The following NOD1 variants were observed in gnomAD, a reference collection of about 807,000 sequenced individuals.
NOD1 encodes the protein nucleotide-binding oligomerization domain-containing protein 1.
In NOD1, 70 loss-of-function variants were observed where a neutral mutation model predicts 81.2. The ratio of observed to expected loss-of-function variants is 0.86; its 90% CI spans 0.71 to 1.05. NOD1 has a LOEUF of 1.05. Ranked by LOEUF, NOD1 falls within the 50% of genes least tolerant of loss-of-function variation. The probability of loss-of-function intolerance (pLI) is 0.00; values close to 1 mark genes in which losing one functional copy is unlikely to be tolerated. For synonymous variants in NOD1, 508 were observed against 526.9 expected (o/e 0.96, Z 0.49); for missense variants, 1,233 against 1,228.0 (o/e 1.00, Z -0.06).
At chr7:30,455,590 CTTT>C (rs34626585) in intron 4 of NOD1, among the ~76,000 whole-genome samples, 1 of 143,076 alleles carries the variant, frequency 7.0e-6, no homozygotes, top group Non-Finnish European at 1.5e-5. Flanking sequence ...TTCTCTACCT[CTTT>C]TTTTTTTTTT....
chr7:30,474,299 T>C (rs1035202212), intron 1 of NOD1, among the ~76,000 whole-genome samples: 2 of 152,254 alleles, frequency 1.3e-5, no homozygotes, highest in African/African-American at 4.8e-5. Context: ...GCTCATCAAA[T>C]ACTGAAAACT....
chr7:30,454,700 A>C (rs963247359), intron 5 of NOD1, among the ~76,000 whole-genome samples: 1 of 151,916 alleles, frequency 6.6e-6, no homozygotes, highest in African/African-American at 2.4e-5. Flanking sequence ...GGGCACAATC[A>C]TAGCTCGCTG....
Position 30,467,102 on chromosome 7 carries a change from A to T in NOD1, c.-351-7061T>A, listed in dbSNP as rs932703458. ...GTACTGACATAGAAAGAGCCTTAAGACATCCTGTCACTTGAAAAATGTAAG... is the reference window on the plus strand; with the variant it reads ...GTACTGACATAGAAAGAGCCTTAAGTCATCCTGTCACTTGAAAAATGTAAG... On this transcript the variant is annotated intron_variant, in intron 1 of 13. Transcript: ENST00000222823. This position sits in a 1 kb window ranked among gnomAD's most constrained non-coding sequence, Gnocchi z 4.5. Among the ~76,000 whole-genome samples the T allele has an allele frequency of 6.6e-6, 1 of 152,250 alleles. No homozygotes were observed. Among genetic ancestry groups the T allele is most frequent in the Non-Finnish European group, 1.5e-5 (1 of 68,048 alleles).
rs890559217 is a variant in NOD1 at position 30,478,248 on chromosome 7, A to T, written c.-352+358T>A. 2.6e-5 allele frequency among the ~76,000 whole-genome samples: 4 copies of T among 152,040 alleles called. No individual in the cohort carries two copies. Among genetic ancestry groups the T allele is most frequent in the African/African-American group, 9.7e-5 (4 of 41,378 alleles). On this transcript the variant is annotated intron_variant, in intron 1 of 13. Transcript: ENST00000222823. The surrounding 1 kb of genome is among the most constrained non-coding windows in gnomAD (Gnocchi z 4.1). ...GAATCACTTGGGGAGCTTTTAAAAG[A>T]TACGGAGGCCTGGGTCTGACTCCGT...
intron 11 of NOD1, chr7:30,433,472 A>C (rs1376235925): frequency 2.4e-6 from 1 of 417,584 alleles, no homozygotes; most frequent in African/African-American, 2.0e-5. Flanking sequence ...TTCATGGAAG[A>C]TGGGGGCCCA....
rs1238931546 is a variant in NOD1 at position 30,433,904 on chromosome 7, C to T, written c.2622-725G>A. ...AGACAATCAGACTTCTAGAAATTTA[C>T]CCTACAGTGTGCAAGGATATACACA... On this transcript the variant is annotated intron_variant, in intron 11 of 13. Transcript: ENST00000222823. Among the ~76,000 whole-genome samples, 7 of 152,296 alleles carry T rather than the reference C, an allele frequency of 4.6e-5. No homozygotes were observed. The East Asian group carries it at 5.8e-4, about 13-fold the overall frequency.
At chr7:30,454,434 C>T (rs991568108) in intron 5 of NOD1, among the ~76,000 whole-genome samples, 1 of 152,186 alleles carries the variant, frequency 6.6e-6, no homozygotes, top group Non-Finnish European at 1.5e-5. Context: ...GGGCAGGAAC[C>T]CTGTCTGTGT....
intron 1 of NOD1, among the ~76,000 whole-genome samples, chr7:30,462,948 CA>C (rs11313806): frequency 0.2 from 20,115 of 101,108 alleles, 1,386 homozygotes; most frequent in Admixed American, 0.29. Flanking sequence ...GACTCCATCT[CA>C]AAAAAAAAAA....
chr7:30,450,351 A>G lies in NOD1; in HGVS notation c.2201+865T>C, dbSNP rs574749431. Among the ~76,000 whole-genome samples the G allele has an allele frequency of 4.6e-5, 7 of 152,280 alleles. No individual in the cohort carries two copies. In the South Asian group the frequency reaches 1.5e-3, roughly 32 times the overall value. On this transcript the variant is annotated intron_variant, in intron 6 of 13. Coordinates refer to ENST00000222823, the MANE Select transcript of NOD1 (RefSeq NM_006092.4). ...TCGACCCCCTGCACCCCATGTCCCC[A>G]TGCAATTATTTACACTCTGACACTG... is the stretch of plus-strand genomic sequence containing the variant.
At chr7:30,455,781 T>G (rs184087971) in intron 4 of NOD1, among the ~76,000 whole-genome samples, 1 of 152,234 alleles carries the variant, frequency 6.6e-6, no homozygotes, top group African/African-American at 2.4e-5. Flanking sequence ...TTTGTGTTTT[T>G]ATTAGAGACG....
chr7:30,446,999 G>A lies in NOD1; in HGVS notation c.2337C>T (p.Ile779=). The change falls in exon 8 of 14, where the codon ATC becomes ATT. Residue 779 remains isoleucine (I), a synonymous_variant. Transcript: ENST00000222823. ...GCGTGAGGCCTTTGCATTCATCCAG[G>A]ATTTTGGTGACGTACCTGGCTCCGA... ...TDVGARYVTK[I]LDECKGLTHL... The A allele has an allele frequency of 6.2e-7, 1 of 1,614,168 alleles. No homozygotes were observed. Among genetic ancestry groups the A allele is most frequent in the Admixed American group, 1.7e-5 (1 of 60,028 alleles).
At chr7:30,458,018 A>G (rs1583806715) in intron 3 of NOD1, among the ~76,000 whole-genome samples, 1 of 152,318 alleles carries the variant, frequency 6.6e-6, no homozygotes, top group Non-Finnish European at 1.5e-5. Context: ...GAGCCGGCAC[A>G]GAGTTCCTGG....
chr7:30,452,355 G>C lies in NOD1; in HGVS notation c.1062C>G (p.Pro354=). 11 of 1,613,260 alleles carry C rather than the reference G, an allele frequency of 6.8e-6. No individual in the cohort carries two copies. The highest frequency in any genetic ancestry group is 8.5e-6 in the Non-Finnish European group (10 of 1,180,012). Residue 354 remains proline, a synonymous_variant, in exon 6 of 14, where the codon CCC becomes CCG. Coordinates refer to ENST00000222823, the MANE Select transcript of NOD1 (RefSeq NM_006092.4). ...RKKVLLRGFS[P]SHLRAYARRM... is the part of the protein sequence containing the mutation. ...TCCTGGCATAGGCGCGCAGGTGGCT[G>C]GGGGAGAAGCCCCGGAGAAGCACCT...
At chr7:30,436,532 C>G (rs762824419) in intron 10 of NOD1, among the ~76,000 whole-genome samples, 2 of 152,150 alleles carry the variant, frequency 1.3e-5, no homozygotes, top group Non-Finnish European at 2.9e-5. Flanking sequence ...ACCAAGGTCC[C>G]AAGATTTGGC....
At position 30,455,162 on chromosome 7, in the gene NOD1, G is replaced by T; in HGVS notation, c.351C>A (p.Ser117Arg). Residue 117 changes from serine to arginine, a missense_variant, in exon 5 of 14, where the codon AGC becomes AGA. Physicochemically the swap from Ser to Arg is moderately radical, Grantham distance 110. Coordinates refer to ENST00000222823, the MANE Select transcript of NOD1 (RefSeq NM_006092.4). ...IGFSPSLLTQ[S>R]KVVVNTDPVS... Reference sequence around the variant, plus strand: ...CTGGGTCAGTGTTGACCACGACTTTGCTCTGAGTGAGCAGGGAAGGGGAGA... The same window carrying T: ...CTGGGTCAGTGTTGACCACGACTTTTCTCTGAGTGAGCAGGGAAGGGGAGA... The T allele has an allele frequency of 6.2e-7, 1 of 1,614,030 alleles. No individual in the cohort carries two copies.
At chr7:30,430,511 A>G (rs1212147570) in intron 12 of NOD1, among the ~76,000 whole-genome samples, 1 of 152,222 alleles carries the variant, frequency 6.6e-6, no homozygotes, top group Non-Finnish European at 1.5e-5. Flanking sequence ...CCAAGAAGGA[A>G]GCCCTTACCA....
intron 9 of NOD1, among the ~76,000 whole-genome samples, chr7:30,445,383 C>T (rs2128029104): frequency 6.7e-6 from 1 of 149,854 alleles, no homozygotes; most frequent in South Asian, 2.1e-4. Context: ...AGCATAGAAG[C>T]AAGCCAGTGT....
chr7:30,432,833 A>T (rs1444130636), intron 12 of NOD1, among the ~76,000 whole-genome samples: 3 of 152,214 alleles, frequency 2.0e-5, no homozygotes, highest in Non-Finnish European at 4.4e-5. Flanking sequence ...TGCCCAGAGT[A>T]GGCAAATCCA....
At chr7:30,449,830 G>C (rs912574177) in intron 6 of NOD1, among the ~76,000 whole-genome samples, 1 of 152,196 alleles carries the variant, frequency 6.6e-6, no homozygotes, top group African/African-American at 2.4e-5. Flanking sequence ...CTGGTGTGAA[G>C]GAAAGCTTCA....
Sources: gnomAD v4.1 joint callset for allele counts (sites outside exome capture counted in the v4.1 genomes callset) on GRCh38, gnomAD v4.1.1 for gene constraint, Gnocchi (gnomAD v3.1) non-coding constraint, MANE v1.5 for transcripts, NCBI Gene and HGNC (gene_info 2026-07-23, HGNC 2026-07-21) for gene names.